The following WDR97 variants were observed in gnomAD, a reference collection of about 807,000 sequenced individuals.
WDR97 encodes the protein WD repeat domain 97.
WDR97 carries 111 observed loss-of-function variants against 65.4 expected under a neutral mutation model. The observed-to-expected ratio is 1.70, with a 90% CI of 1.45 to 1.99. The LOEUF (loss-of-function observed/expected upper bound fraction) is 1.99. WDR97 is among the 30% of genes most tolerant of loss of function. WDR97 has a pLI of 0.00. For synonymous variants in WDR97, 802 were observed against 397.7 expected (o/e 2.02, Z -12.10); for missense variants, 1,674 against 865.0 (o/e 1.94, Z -11.73).
intron 21 of WDR97, 125 bp downstream of exon 21, chr8:144,115,036 T>G: frequency 1.7e-6 from 1 of 604,162 alleles, no homozygotes; most frequent in Non-Finnish European, 2.9e-6. Context: ...GTCCTGGGCC[T>G]CCAGCCTCCC....
rs1357256178 is a variant in WDR97, at chr8:144,109,718, A to C, written c.1384A>C (p.Thr462Pro). Residue 462 changes from threonine to proline, a missense_variant, in exon 5 of 24, where the codon ACC becomes CCC. By Grantham distance (38) the Thr-to-Pro change is conservative (BLOSUM62 -1). Transcript: ENST00000323662. ...DGSVYLLSAATGRIVSSLLLE... is the reference protein window; with the variant it reads ...DGSVYLLSAAPGRIVSSLLLE... ...CTCGGTCTACCTCCTGTCGGCGGCCACCGGGCGCATAGTGAGCTCACTGCT... is the reference window on the plus strand; with the variant it reads ...CTCGGTCTACCTCCTGTCGGCGGCCCCCGGGCGCATAGTGAGCTCACTGCT... 2 of 677,790 alleles carry C rather than the reference A, an allele frequency of 3.0e-6. No individual in the cohort carries two copies. Among genetic ancestry groups the C allele is most frequent in the Non-Finnish European group, 5.3e-6 (2 of 375,000 alleles). 42.0% of individuals were successfully genotyped at this position (677,790 alleles called of 1,614,324 possible). A position where few individuals can be genotyped will look rare whatever the true frequency, so the allele number is the denominator to read the frequency against.
rs913793325 is a variant in WDR97, at chr8:144,115,726, ACTT to A, written c.4469_4471del (p.Phe1490del). ...GACTTGGGCCCCATCGACGCGCTCA[ACTT>A]CTTCTGTGAGCAGCTGCGGGCGCAG... On this transcript the variant is annotated inframe_deletion, in exon 22 of 24. Transcript: ENST00000323662. The A allele has an allele frequency of 3.0e-4, 210 of 701,558 alleles. 1 individual carries two copies. The highest frequency in any genetic ancestry group is 2.3e-3 in the Middle Eastern group (10 of 4,280). The allele number at this position is 701,558 out of a possible 1,614,324, so 43.5% of individuals were successfully genotyped here.
Position 144,110,503 on chromosome 8 carries a change from T to G in WDR97, c.2006T>G (p.Leu669Arg). ...FEDPDSATYGLVQFGLGDSPR... is the reference protein window; with the variant it reads ...FEDPDSATYGRVQFGLGDSPR... ...GACCCAGACAGCGCTACCTACGGCC[T>G]GGTGCAGTTTGGCCTGGGCGACAGT... The change falls in exon 7 of 24, where the codon CTG becomes CGG. Residue 669 changes from leucine (L) to arginine (R), a missense_variant. Coordinates refer to ENST00000323662, the MANE Select transcript of WDR97 (RefSeq NM_001316309.2). 1 of 702,978 alleles carries G rather than the reference T, an allele frequency of 1.4e-6. No homozygotes were observed. Among genetic ancestry groups the G allele is most frequent in the African/African-American group, 1.7e-5 (1 of 57,402 alleles). The allele number at this position is 702,978 out of a possible 1,614,324, so 43.5% of individuals were successfully genotyped here. A position where few individuals can be genotyped will look rare whatever the true frequency, so the allele number is the denominator to read the frequency against.
chr8:144,116,218 G>A lies in WDR97; in HGVS notation c.4794G>A (p.Leu1598=), dbSNP rs757695466. The A allele has an allele frequency of 1.2e-5, 8 of 684,826 alleles. No individual in the cohort carries two copies. The highest frequency in any genetic ancestry group is 2.1e-5 in the Non-Finnish European group (8 of 375,458). The allele number at this position is 684,826 out of a possible 1,614,324, so 42.4% of individuals were successfully genotyped here. A position where few individuals can be genotyped will look rare whatever the true frequency, so the allele number is the denominator to read the frequency against. The part of the protein sequence containing the change: ...PLDWPMPPRP[L]PPRLLQPALQ... ...ACTGGCCTATGCCCCCGCGCCCGCT[G>A]CCCCCGCGGCTCCTGCAGCCGGCCC... The change falls in exon 24 of 24, where the codon CTG becomes CTA. Residue 1598 remains leucine (L), a synonymous_variant. Coordinates refer to ENST00000323662, the MANE Select transcript of WDR97 (RefSeq NM_001316309.2).
At position 144,111,782 on chromosome 8, in the gene WDR97, G is replaced by A. The variant is rs1311603208; in HGVS notation, c.2637+1G>A. 1.5e-6 allele frequency: 1 copy of A among 686,004 alleles called. No individual in the cohort carries two copies. The highest frequency in any genetic ancestry group is 1.5e-5 in the South Asian group (1 of 65,768). 42.5% of individuals were successfully genotyped at this position (686,004 alleles called of 1,614,324 possible). On this transcript the variant is annotated splice_donor_variant, in intron 12 of 23. Transcript: ENST00000323662. LOFTEE classifies it high-confidence loss of function. ...TCTGATCTACGGCTCTGGCCTGCTG[G>A]TAGGTGTAGGGCCTCCCCCAGCCCA...
chr8:144,110,076 C>A (rs1247390889), intron 5 of WDR97, 38 bp from the exon 6 acceptor site: 1 of 697,422 alleles, frequency 1.4e-6, no homozygotes, highest in Non-Finnish European at 2.6e-6. Flanking sequence ...GCGGAAGGAG[C>A]GGCAGGGTCC....
chr8:144,108,445 G>A lies in WDR97; in HGVS notation c.379G>A (p.Gly127Ser), dbSNP rs1587621855. ...PVGGRFVVLD[G>S]AGRLHLHKED... Reference sequence around the variant, plus strand: ...GGGTGGACGCTTCGTGGTGCTGGACGGCGCGGGCCGCCTGCACCTGCACAA... The same window carrying A: ...GGGTGGACGCTTCGTGGTGCTGGACAGCGCGGGCCGCCTGCACCTGCACAA... The change falls in exon 3 of 24, where the codon GGC becomes AGC. Residue 127 changes from glycine (G) to serine (S), a missense_variant. Coordinates refer to ENST00000323662, the MANE Select transcript of WDR97 (RefSeq NM_001316309.2). The A allele has an allele frequency of 1.4e-6, 1 of 699,726 alleles. No individual in the cohort carries two copies. Among genetic ancestry groups the A allele is most frequent in the South Asian group, 1.5e-5 (1 of 67,474 alleles). 43.3% of individuals were successfully genotyped at this position (699,726 alleles called of 1,614,324 possible). A position where few individuals can be genotyped will look rare whatever the true frequency, so the allele number is the denominator to read the frequency against.
chr8:144,112,858 G>C (rs536304387), intron 15 of WDR97: 1 of 426,122 alleles, frequency 2.3e-6, no homozygotes, highest in African/African-American at 2.0e-5. Context: ...AGGTCCCCTA[G>C]GGACTTTTCC....
rs566971224 is a variant in WDR97 at position 144,111,995 on chromosome 8, C to G, written c.2746C>G (p.Arg916Gly). ...AVPQAAHCLA[R>G]AEVSTAAQTV... is the part of the protein sequence containing the mutation. ...ACCCCAAGCTGCCCACTGTCTTGCC[C>G]GGGCTGAGGTCAGCACTGCAGCCCA... Residue 916 changes from arginine (R) to glycine (G), a missense_variant, in exon 13 of 24, where the codon CGG becomes GGG. Transcript: ENST00000323662. 189 of 702,626 alleles carry G rather than the reference C, an allele frequency of 2.7e-4. No homozygotes were observed. Among genetic ancestry groups the G allele is most frequent in the Middle Eastern group, 6.9e-4 (3 of 4,370 alleles). 43.5% of individuals were successfully genotyped at this position (702,626 alleles called of 1,614,324 possible).
chr8:144,108,269 G>C (rs1461694768), intron 2 of WDR97, 47 bp from the exon 3 acceptor site: 1 of 694,182 alleles, frequency 1.4e-6, no homozygotes, highest in East Asian at 2.7e-5. Context: ...CCCTAGGCCG[G>C]AGTAGCCCCA....
Position 144,111,353 on chromosome 8 carries a change from C to T in WDR97, c.2427-73C>T, listed in dbSNP as rs1328949392. 13 of 702,704 alleles carry T rather than the reference C, an allele frequency of 1.8e-5. No homozygotes were observed. The Admixed American group carries it at 2.0e-4, about 11-fold the overall frequency. 43.5% of individuals were successfully genotyped at this position (702,704 alleles called of 1,614,324 possible). On this transcript the variant is annotated intron_variant, in intron 10 of 23. Coordinates refer to ENST00000323662, the MANE Select transcript of WDR97 (RefSeq NM_001316309.2). The stretch of plus-strand genomic sequence containing the variant: ...CCTGGCACACCCGTTTGGGGTTGGT[C>T]CTTGTCCCAGCCTCTGCCCCAGCCC...
rs530481251 is a variant in WDR97 at position 144,114,852 on chromosome 8, A to G, written c.4018A>G (p.Lys1340Glu). 1.4e-6 allele frequency: 1 copy of G among 702,654 alleles called. No individual in the cohort carries two copies. The highest frequency in any genetic ancestry group is 2.7e-5 in the East Asian group (1 of 37,288). The allele number at this position is 702,654 out of a possible 1,614,324, so 43.5% of individuals were successfully genotyped here. A position where few individuals can be genotyped will look rare whatever the true frequency, so the allele number is the denominator to read the frequency against. The change falls in exon 21 of 24, where the codon AAG (lysine) becomes GAG (glutamate). Residue 1340 changes from lysine (K) to glutamate (E), a missense_variant. Lys to Glu is a moderately conservative substitution (Grantham distance 56). Transcript: ENST00000323662. The part of the protein sequence containing the change: ...TWVQGPDLDS[K>E]AGLRTCCHQK... ...GGTCCAGGGCCCAGACCTGGACTCC[A>G]AGGCCGGCCTGCGCACTTGCTGCCA...
At position 144,114,379 on chromosome 8, in the gene WDR97, A is replaced by C. The variant is rs563233841; in HGVS notation, c.3696A>C (p.Leu1232=). 617 of 702,764 alleles carry C rather than the reference A, an allele frequency of 8.8e-4. 6 individuals carry two copies. The African/African-American group carries it at 9.6e-3, about 11-fold the overall frequency. The allele number at this position is 702,764 out of a possible 1,614,324, so 43.5% of individuals were successfully genotyped here. A position where few individuals can be genotyped will look rare whatever the true frequency, so the allele number is the denominator to read the frequency against. ...WVDRVHILQV[L]LRLLPNMSSD... is the part of the protein sequence containing the mutation. ...ACCGTGTGCACATCCTGCAGGTGCT[A>C]CTGAGACTGCTGCCCAACATGAGCA... The change falls in exon 19 of 24, where the codon CTA becomes CTC. Residue 1232 remains leucine (L), a synonymous_variant. Coordinates refer to ENST00000323662, the MANE Select transcript of WDR97 (RefSeq NM_001316309.2).
In WDR97 at chr8:144,115,530, G is replaced by T. The variant is rs1836633577; in HGVS notation, c.4267G>T (p.Ala1423Ser). 2.9e-6 allele frequency: 2 copies of T among 697,048 alleles called. No individual in the cohort carries two copies. The highest frequency in any genetic ancestry group is 2.6e-6 in the Non-Finnish European group (1 of 381,896). 43.2% of individuals were successfully genotyped at this position (697,048 alleles called of 1,614,324 possible). A position where few individuals can be genotyped will look rare whatever the true frequency, so the allele number is the denominator to read the frequency against. The change falls in exon 22 of 24, where the codon GCA becomes TCA. Residue 1423 changes from alanine (A) to serine (S), a missense_variant. By Grantham distance (99) the Ala-to-Ser change is moderately conservative. Transcript: ENST00000323662. ...GGAGCTCCAGGCCCAGCGGATGCTG[G>T]CACCCAAGCGCAGCTGGGGGACCCC... ...APELQAQRML[A>S]PKRSWGTPQL...
intron 21 of WDR97, 81 bp downstream of exon 21, chr8:144,114,992 G>C (rs1836622957): frequency 1.6e-6 from 1 of 619,060 alleles, no homozygotes; most frequent in Non-Finnish European, 2.9e-6. Context: ...GTCAAAGCCA[G>C]CTGAGGCCAC....
chr8:144,107,917 C>T, intron 1 of WDR97, 55 bp downstream of exon 1: 1 of 702,596 alleles, frequency 1.4e-6, no homozygotes, highest in Admixed American at 2.0e-5. Flanking sequence ...GGGTCTCATT[C>T]GGGCTTGGGT....
Position 144,108,142 on chromosome 8 carries a change from G to A in WDR97, c.196G>A (p.Ala66Thr), listed in dbSNP as rs925544281. The A allele has an allele frequency of 4.3e-6, 3 of 702,388 alleles. No individual in the cohort carries two copies. The highest frequency in any genetic ancestry group is 7.8e-6 in the Non-Finnish European group (3 of 384,866). The allele number at this position is 702,388 out of a possible 1,614,324, so 43.5% of individuals were successfully genotyped here. A position where few individuals can be genotyped will look rare whatever the true frequency, so the allele number is the denominator to read the frequency against. The stretch of plus-strand genomic sequence containing the variant: ...GCAAAGCCTGACCCCGCGCGCCCGC[G>A]CCCGCCGGCTGTGGCTGCTTCTGCG... ...QWQSLTPRAR[A>T]RRLWLLLRTS... Residue 66 changes from alanine to threonine, a missense_variant, in exon 2 of 24, where the codon GCC becomes ACC. Physicochemically the swap from Ala to Thr is moderately conservative, Grantham distance 58. Coordinates refer to ENST00000323662, the MANE Select transcript of WDR97 (RefSeq NM_001316309.2).
rs555337565 is a variant in WDR97, at chr8:144,111,644, A to T, written c.2500A>T (p.Ile834Leu). 6.0e-4 allele frequency: 413 copies of T among 692,182 alleles called. 2 individuals are homozygous for T. The African/African-American group carries it at 6.2e-3, about 10-fold the overall frequency. 42.9% of individuals were successfully genotyped at this position (692,182 alleles called of 1,614,324 possible). A position where few individuals can be genotyped will look rare whatever the true frequency, so the allele number is the denominator to read the frequency against. The change falls in exon 12 of 24, where the codon ATA (isoleucine) becomes TTA (leucine). Residue 834 changes from isoleucine (I) to leucine (L), a missense_variant. Coordinates refer to ENST00000323662, the MANE Select transcript of WDR97 (RefSeq NM_001316309.2). Reference sequence around the variant, plus strand: ...AACCCTGACTCAGGACTTGGACGCCATAGTGGCCCGGGACCGAGACCTTCA... The same window carrying T: ...AACCCTGACTCAGGACTTGGACGCCTTAGTGGCCCGGGACCGAGACCTTCA... Reference protein sequence around the residue: ...HLVPKEDLDAIVARDRDLQQL... With the variant: ...HLVPKEDLDALVARDRDLQQL...
Position 144,108,821 on chromosome 8 carries a change from T to C in WDR97, c.755T>C (p.Leu252Pro). 1 of 702,782 alleles carries C rather than the reference T, an allele frequency of 1.4e-6. No individual in the cohort carries two copies. The highest frequency in any genetic ancestry group is 2.6e-6 in the Non-Finnish European group (1 of 384,898). The allele number at this position is 702,782 out of a possible 1,614,324, so 43.5% of individuals were successfully genotyped here. A position where few individuals can be genotyped will look rare whatever the true frequency, so the allele number is the denominator to read the frequency against. The change falls in exon 3 of 24, where the codon CTG becomes CCG. Residue 252 changes from leucine (L) to proline (P), a missense_variant. Coordinates refer to ENST00000323662, the MANE Select transcript of WDR97 (RefSeq NM_001316309.2). The stretch of plus-strand genomic sequence containing the variant: ...AGCCCAACAGGCAGGCTCATGCGTC[T>C]GGCTGTGGCGCCGGTTCCTCCCCAC... ...PPSPTGRLMRLAVAPVPPHHV... is the reference protein window; with the variant it reads ...PPSPTGRLMRPAVAPVPPHHV...
Sources: gnomAD v4.1 joint callset for allele counts on GRCh38, gnomAD v4.1.1 for gene constraint, MANE v1.5 for transcripts, NCBI Gene and HGNC (gene_info 2026-07-23, HGNC 2026-07-21) for gene names.